Variants in GRM8 observed in about 807,000 individuals in gnomAD.
GRM8 encodes the protein glutamate metabotropic receptor 8.
In GRM8, 47 loss-of-function variants were observed where a neutral mutation model predicts 87.2. The observed-to-expected ratio is 0.54, with a 90% CI of 0.43 to 0.69. GRM8 has a LOEUF of 0.69. Among genes scored for constraint, GRM8 ranks in the 30% least tolerant of loss-of-function variants. GRM8 has a pLI of 0.00. For missense variants in GRM8, 1,019 were observed against 1,139.2 expected (o/e 0.89, Z 1.52); for synonymous variants, 396 against 404.5 (o/e 0.98, Z 0.25).
At chr7:126,904,180 T>G in intron 4 of GRM8, 54 bp from the exon 5 acceptor site, 1 of 1,426,110 alleles carries the variant, frequency 7.0e-7, no homozygotes, top group Non-Finnish European at 9.8e-7. Flanking sequence ...ATACCACAAT[T>G]ATGAATATTA....
intron 3 of GRM8, among the ~76,000 whole-genome samples, chr7:126,973,717 T>C (rs1017215952): frequency 6.6e-6 from 1 of 152,162 alleles, no homozygotes; most frequent in Non-Finnish European, 1.5e-5. Flanking sequence ...ATGCCATTGA[T>C]CATAAGATAC....
chr7:127,051,575 T>A (rs1391108559), intron 3 of GRM8, among the ~76,000 whole-genome samples: 2 of 151,972 alleles, frequency 1.3e-5, no homozygotes, highest in Non-Finnish European at 2.9e-5. Flanking sequence ...TATATATACA[T>A]TCTTTTTGTT....
intron 7 of GRM8, among the ~76,000 whole-genome samples, chr7:126,727,741 C>G (rs931271065): frequency 1.5e-5 from 2 of 133,776 alleles, no homozygotes; most frequent in Admixed American, 7.3e-5. Flanking sequence ...ACACACACAC[C>G]CCTAAAAAAA....
At chr7:126,514,414 T>A (rs1811876459) in intron 9 of GRM8, among the ~76,000 whole-genome samples, 1 of 152,166 alleles carries the variant, frequency 6.6e-6, no homozygotes, top group African/African-American at 2.4e-5. Flanking sequence ...TGCATTTAAA[T>A]CCCTGTTTTA....
intron 3 of GRM8, among the ~76,000 whole-genome samples, chr7:127,027,022 G>A (rs951182461): frequency 1.3e-5 from 2 of 152,140 alleles, no homozygotes; most frequent in Admixed American, 6.5e-5. Context: ...TAAGGTATAA[G>A]GAAGGAATCC....
intron 2 of GRM8, among the ~76,000 whole-genome samples, chr7:127,176,286 A>C (rs17862312): frequency 4.9e-4 from 74 of 152,342 alleles, no homozygotes; most frequent in Admixed American, 1.6e-3. Context: ...AAACAAATGC[A>C]ATTATTATAA....
intron 3 of GRM8, among the ~76,000 whole-genome samples, chr7:126,932,505 G>A (rs908522598): frequency 2.6e-5 from 4 of 152,234 alleles, no homozygotes; most frequent in Middle Eastern, 3.4e-3. Context: ...CAACACACAG[G>A]ATTCTGAGAA....
At chr7:127,194,816 G>T (rs948716427) in intron 2 of GRM8, among the ~76,000 whole-genome samples, 6 of 152,092 alleles carry the variant, frequency 3.9e-5, no homozygotes, top group Non-Finnish European at 7.4e-5. Flanking sequence ...CATTTTAAGA[G>T]ACTTTATATC....
At chr7:127,042,660 CT>C (rs1436275510) in intron 3 of GRM8, among the ~76,000 whole-genome samples, 3 of 152,128 alleles carry the variant, frequency 2.0e-5, no homozygotes, top group African/African-American at 7.2e-5. Context: ...CATAAAAACC[CT>C]AGAAGAAAAC....
At chr7:127,157,817 C>T (rs1020393399) in intron 2 of GRM8, among the ~76,000 whole-genome samples, 2 of 152,156 alleles carry the variant, frequency 1.3e-5, no homozygotes, top group East Asian at 3.9e-4. Flanking sequence ...AACAATACCA[C>T]AGACTTAACA....
chr7:127,189,562 CTG>C (rs1246869995), intron 2 of GRM8, among the ~76,000 whole-genome samples: 2 of 152,140 alleles, frequency 1.3e-5, no homozygotes, highest in Non-Finnish European at 2.9e-5. Context: ...TCAGTCTAGT[CTG>C]TGGCCTAATG....
chr7:126,726,886 G>C (rs1027489678), intron 7 of GRM8, among the ~76,000 whole-genome samples: 21 of 151,822 alleles, frequency 1.4e-4, no homozygotes, highest in Non-Finnish European at 2.6e-4. Context: ...ACCATTTCTG[G>C]TTTGCATGAG....
intron 3 of GRM8, among the ~76,000 whole-genome samples, chr7:126,987,233 A>C (rs957641832): frequency 1.3e-5 from 2 of 152,110 alleles, no homozygotes; most frequent in African/African-American, 4.8e-5. Flanking sequence ...TCAAACACCT[A>C]AGGAGACGTG....
intron 2 of GRM8, among the ~76,000 whole-genome samples, chr7:127,169,743 T>C (rs1245209905): frequency 2.0e-5 from 3 of 152,244 alleles, no homozygotes; most frequent in Non-Finnish European, 4.4e-5. Flanking sequence ...TTGAAAATCC[T>C]AGGGCCCTTA....
intron 2 of GRM8, among the ~76,000 whole-genome samples, chr7:127,183,167 T>C (rs1794561864): frequency 6.6e-6 from 1 of 151,912 alleles, no homozygotes; most frequent in Admixed American, 6.6e-5. Flanking sequence ...CAAATTAAAC[T>C]TCAGGAAAAA....
intron 3 of GRM8, among the ~76,000 whole-genome samples, chr7:127,058,710 G>A (rs1044225671): frequency 8.5e-5 from 13 of 152,200 alleles, no homozygotes; most frequent in African/African-American, 2.4e-4. Flanking sequence ...TAAGGCTGGA[G>A]GGTGTGTTGA....
chr7:127,081,213 C>T (rs17862284), intron 3 of GRM8, among the ~76,000 whole-genome samples: 315 of 152,258 alleles, frequency 2.1e-3, no homozygotes, highest in Middle Eastern at 3.4e-3. Context: ...CCCCACCTGC[C>T]TCCACCCTGA....
At chr7:126,879,226 T>C (rs1269729618) in intron 6 of GRM8, among the ~76,000 whole-genome samples, 2 of 151,786 alleles carry the variant, frequency 1.3e-5, no homozygotes, top group African/African-American at 4.8e-5. Context: ...TGAGGCTTAA[T>C]GGTTTATGTC....
At chr7:126,774,488 T>C (rs557195511) in intron 6 of GRM8, among the ~76,000 whole-genome samples, 1 of 152,308 alleles carries the variant, frequency 6.6e-6, no homozygotes, top group East Asian at 1.9e-4. Context: ...TTTTAGTGTA[T>C]AGCTTAAAAT....
Sources: gnomAD v4.1 joint callset for allele counts (sites outside exome capture counted in the v4.1 genomes callset) on GRCh38, gnomAD v4.1.1 for gene constraint, MANE v1.5 for transcripts, NCBI Gene and HGNC (gene_info 2026-07-23, HGNC 2026-07-21) for gene names.